TSPEAR: variants seen among roughly 807,000 people sequenced by gnomAD.
The protein encoded by TSPEAR is thrombospondin type laminin G domain and EAR repeats.
In TSPEAR, 69 loss-of-function variants were observed where a neutral mutation model predicts 71.6. The ratio of observed to expected loss-of-function variants is 0.96; its 90% CI spans 0.79 to 1.18. TSPEAR has a LOEUF of 1.18. TSPEAR is among the 50% of genes most tolerant of loss of function. The pLI, the probability that TSPEAR is intolerant of heterozygous loss-of-function variation, is 0.00. For synonymous variants in TSPEAR, 402 were observed against 387.2 expected (o/e 1.04, Z -0.45); for missense variants, 971 against 894.9 (o/e 1.09, Z -1.09).
intron 1 of TSPEAR, among the ~76,000 whole-genome samples, chr21:44,571,992 G>A (rs779626239): frequency 1.3e-5 from 2 of 152,202 alleles, no homozygotes; most frequent in African/African-American, 2.4e-5. Flanking sequence ...CTGGGCAGAC[G>A]CAGGACAGCT....
chr21:44,635,922 G>A (rs1317597143), intron 1 of TSPEAR, among the ~76,000 whole-genome samples: 1 of 152,256 alleles, frequency 6.6e-6, no homozygotes, highest in East Asian at 1.9e-4. Flanking sequence ...CTTACAGGTG[G>A]GAGACGTGTG....
intron 1 of TSPEAR, among the ~76,000 whole-genome samples, chr21:44,602,341 C>T (rs1395848302): frequency 1.3e-5 from 2 of 152,192 alleles, no homozygotes; most frequent in African/African-American, 4.8e-5. Flanking sequence ...GTAGGCAGGA[C>T]TGAGGGATGG....
At chr21:44,533,652 C>A in intron 3 of TSPEAR, 33 bp downstream of exon 3, 1 of 1,557,532 alleles carries the variant, frequency 6.4e-7, no homozygotes, top group South Asian at 1.1e-5. Flanking sequence ...ACTCTGAGGA[C>A]TGCAGGTGCA....
At chr21:44,557,883 T>G (rs1555920081) in intron 2 of TSPEAR, 1 of 772,354 alleles carries the variant, frequency 1.3e-6, no homozygotes. Flanking sequence ...GAGATGAGGG[T>G]GTGGGAGAGA....
At chr21:44,658,043 G>A in intron 1 of TSPEAR, 1 of 1,613,766 alleles carries the variant, frequency 6.2e-7, no homozygotes, top group Non-Finnish European at 8.5e-7. Flanking sequence ...CCCCTGCCAG[G>A]CATCCTGCTA....
intron 1 of TSPEAR, among the ~76,000 whole-genome samples, chr21:44,631,914 G>T (rs1298841673): frequency 7.9e-5 from 12 of 152,096 alleles, no homozygotes; most frequent in African/African-American, 2.4e-4. Flanking sequence ...CCAGGTGCCT[G>T]GGGGGAGGAG....
Position 44,525,771 on chromosome 21 carries a change from C to T in TSPEAR, c.1218G>A (p.Trp406Ter). 1 of 1,614,136 alleles carries T rather than the reference C, an allele frequency of 6.2e-7. No homozygotes were observed. Among genetic ancestry groups the T allele is most frequent in the South Asian group, 1.1e-5 (1 of 91,084 alleles). ...GGGTAAACTTCAGCTTTCTGTGGCTCCATTTGTAAATGACAGAGAACTCCT... is the reference window on the plus strand; with the variant it reads ...GGGTAAACTTCAGCTTTCTGTGGCTTCATTTGTAAATGACAGAGAACTCCT... ...KGQEFSVIYK[W>*]SHRKLKFTPY... The change falls in exon 8 of 12, where the codon TGG (tryptophan) becomes TGA (stop). Residue 406 changes from tryptophan to a stop codon, truncating the protein, a stop_gained. Coordinates refer to ENST00000323084, the MANE Select transcript of TSPEAR (RefSeq NM_144991.3). LOFTEE classifies it high-confidence loss of function.
At chr21:44,512,662 T>C (rs1215264593) in intron 9 of TSPEAR, among the ~76,000 whole-genome samples, 2 of 152,150 alleles carry the variant, frequency 1.3e-5, no homozygotes, top group Non-Finnish European at 2.9e-5. Flanking sequence ...CACTGCAGCC[T>C]GCCTCCAGGG....
intron 1 of TSPEAR, among the ~76,000 whole-genome samples, chr21:44,640,826 G>A (rs1368335616): frequency 2.0e-5 from 3 of 152,230 alleles, no homozygotes; most frequent in Non-Finnish European, 4.4e-5. Flanking sequence ...GACCATACAT[G>A]AGGATGACTG....
intron 1 of TSPEAR, among the ~76,000 whole-genome samples, chr21:44,652,581 A>T (rs1004040248): frequency 4.6e-5 from 7 of 152,220 alleles, no homozygotes; most frequent in African/African-American, 1.7e-4. Flanking sequence ...CGAAGGGGGA[A>T]TTCTCCTCGT....
intron 1 of TSPEAR, chr21:44,591,137 T>G (rs233299): frequency 0.071 from 42,912 of 601,866 alleles, 369 homozygotes; most frequent in East Asian, 0.16. Context: ...TTATTAGAAC[T>G]AGAGGGGGTG....
chr21:44,594,233 A>G (rs587756315), intron 1 of TSPEAR, among the ~76,000 whole-genome samples: 1 of 152,332 alleles, frequency 6.6e-6, no homozygotes, highest in East Asian at 1.9e-4. Flanking sequence ...AGAAAAAGTG[A>G]CGGATGGCTA....
At chr21:44,605,654 T>C (rs1282552964) in intron 1 of TSPEAR, among the ~76,000 whole-genome samples, 1 of 152,216 alleles carries the variant, frequency 6.6e-6, no homozygotes, top group African/African-American at 2.4e-5. Flanking sequence ...CCCAAGTGTT[T>C]GTTGTCAATT....
Position 44,700,254 on chromosome 21 carries a change from G to T in TSPEAR, c.82+11179C>A, listed in dbSNP as rs184947376. On this transcript the variant is annotated intron_variant, in intron 1 of 11. Coordinates refer to ENST00000323084, the MANE Select transcript of TSPEAR (RefSeq NM_144991.3). ...AGTCCAGGGTTCCACCACCAGGAAG[G>T]CTGGAGAGCAGGAAGAAAAGGGCTG... Among the ~76,000 whole-genome samples, 97 of 152,344 alleles carry T rather than the reference G, an allele frequency of 6.4e-4. 1 individual carries two copies. In the East Asian group the frequency reaches 0.015, roughly 24 times the overall value.
intron 1 of TSPEAR, among the ~76,000 whole-genome samples, chr21:44,606,969 T>C (rs1378759395): frequency 1.3e-5 from 2 of 152,198 alleles, no homozygotes; most frequent in Non-Finnish European, 2.9e-5. Context: ...TGGTGACACA[T>C]AAAAATAATG....
intron 1 of TSPEAR, chr21:44,601,900 G>A (rs1980959067): frequency 4.0e-6 from 4 of 994,930 alleles, no homozygotes; most frequent in Admixed American, 5.8e-5. Flanking sequence ...CAGCTCAGCT[G>A]TTTCTCCAAG....
chr21:44,579,697 G>A lies in TSPEAR; in HGVS notation c.83-11692C>T, dbSNP rs1315355989. ...AAGCGGGGGCAACCTCCTAACCCGAGTCAGGACCAGTTGGCCCTGGGGGAT... is the reference window on the plus strand; with the variant it reads ...AAGCGGGGGCAACCTCCTAACCCGAATCAGGACCAGTTGGCCCTGGGGGAT... On this transcript the variant is annotated intron_variant, in intron 1 of 11. Coordinates refer to ENST00000323084, the MANE Select transcript of TSPEAR (RefSeq NM_144991.3). 5.1e-5 allele frequency: 80 copies of A among 1,561,352 alleles called. No homozygotes were observed. The Middle Eastern group carries it at 6.2e-4, about 12-fold the overall frequency.
intron 2 of TSPEAR, among the ~76,000 whole-genome samples, chr21:44,557,408 A>C (rs782150851): frequency 2.3e-4 from 35 of 152,224 alleles, no homozygotes; most frequent in Non-Finnish European, 4.9e-4. Context: ...CAGATATTTG[A>C]AATAAGAGAT....
At chr21:44,677,613 GT>G in intron 1 of TSPEAR, 1 of 1,115,698 alleles carries the variant, frequency 9.0e-7, no homozygotes, top group Admixed American at 1.9e-5. Flanking sequence ...AGGGTGATCA[GT>G]TTTTAAAGAT....
Sources: gnomAD v4.1 joint callset for allele counts (sites outside exome capture counted in the v4.1 genomes callset) on GRCh38, gnomAD v4.1.1 for gene constraint, MANE v1.5 for transcripts, NCBI Gene and HGNC (gene_info 2026-07-23, HGNC 2026-07-21) for gene names.